TMEM47: variants seen among roughly 807,000 people sequenced by gnomAD.
The protein encoded by TMEM47 is transmembrane protein 47, also known as brain cell membrane protein 1.
TMEM47 carries 3 observed loss-of-function variants against 12.4 expected under a neutral mutation model. The observed-to-expected ratio is 0.24, with a 90% CI of 0.11 to 0.63. TMEM47 has a LOEUF of 0.63. Ranked by LOEUF, TMEM47 falls within the 20% of genes least tolerant of loss-of-function variation. The pLI is 0.86. For synonymous variants in TMEM47, 62 were observed against 63.3 expected, an observed-to-expected ratio of 0.98 and a Z score of 0.10; for missense variants, 89 against 143.8, an observed-to-expected ratio of 0.62 and a Z score of 1.95.
intron 1 of TMEM47, among the ~76,000 whole-genome samples, chrX:34,655,463 C>G (rs1165888385): frequency 8.9e-6 from 1 of 111,748 alleles, no homozygotes; most frequent in Non-Finnish European, 1.9e-5. Flanking sequence ...GTTCCCTCCA[C>G]AGTGAATTAA....
Position 34,646,340 on chromosome X carries a change from A to T in TMEM47, c.227-6953T>A, listed in dbSNP as rs191543862. 1.3e-4 allele frequency among the ~76,000 whole-genome samples: 14 copies of T among 111,941 alleles called. 1 individual carries two copies. The highest frequency in any genetic ancestry group is 9.5e-4 in the Admixed American group (10 of 10,533). On this transcript the variant is annotated intron_variant, in intron 1 of 2. Transcript: ENST00000275954. Reference sequence around the variant, plus strand: ...CATATGGTGTTTTTTCCTCAAATAAAACCACTTGAATACAGTATTTAGCAA... The same window carrying T: ...CATATGGTGTTTTTTCCTCAAATAATACCACTTGAATACAGTATTTAGCAA...
intron 1 of TMEM47, among the ~76,000 whole-genome samples, chrX:34,649,819 G>A (rs1037688176): frequency 3.6e-5 from 4 of 111,543 alleles, no homozygotes; most frequent in Admixed American, 9.5e-5. Context: ...TCTGCCTCCC[G>A]GGTTCAAGCG....
intron 1 of TMEM47, among the ~76,000 whole-genome samples, chrX:34,644,656 A>G (rs1921878521): frequency 8.9e-6 from 1 of 111,970 alleles, no homozygotes; most frequent in South Asian, 3.7e-4. Flanking sequence ...ATCCCTGAGC[A>G]CATAATGCCT....
At chrX:34,644,823 A>G (rs1477766302) in intron 1 of TMEM47, among the ~76,000 whole-genome samples, 1 of 111,664 alleles carries the variant, frequency 9.0e-6, no homozygotes, top group Non-Finnish European at 1.9e-5. Flanking sequence ...TCTCATCACA[A>G]ATTAAAACAC....
At chrX:34,639,049 T>C (rs902493980) in intron 2 of TMEM47, among the ~76,000 whole-genome samples, 198 bp downstream of exon 2, 8 of 111,952 alleles carry the variant, frequency 7.1e-5, no homozygotes, top group Non-Finnish European at 1.5e-4. Flanking sequence ...GAAGCTGCCA[T>C]TGTGCTCTGT....
intron 2 of TMEM47, among the ~76,000 whole-genome samples, chrX:34,630,762 T>C (rs1423499415): frequency 9.0e-6 from 1 of 110,796 alleles, no homozygotes; most frequent in Non-Finnish European, 1.9e-5. Context: ...ATAATTTATA[T>C]GAGCATACAA....
intron 1 of TMEM47, among the ~76,000 whole-genome samples, chrX:34,656,522 C>T (rs1175967645): frequency 9.1e-6 from 1 of 110,317 alleles, no homozygotes; most frequent in Admixed American, 9.6e-5. Context: ...ATAACAAATA[C>T]CCAAAATAGC....
At chrX:34,644,025 A>C (rs1420182808) in intron 1 of TMEM47, among the ~76,000 whole-genome samples, 1 of 111,048 alleles carries the variant, frequency 9.0e-6, no homozygotes. Flanking sequence ...ACTGCACCGA[A>C]AGAAGTGGAG....
chrX:34,636,513 G>T (rs185381682), intron 2 of TMEM47, among the ~76,000 whole-genome samples: 1 of 111,722 alleles, frequency 9.0e-6, no homozygotes, highest in Non-Finnish European at 1.9e-5. Context: ...AATGACCTGC[G>T]GATAGTTCAA....
At chrX:34,632,762 T>C (rs918518153) in intron 2 of TMEM47, among the ~76,000 whole-genome samples, 4 of 111,813 alleles carry the variant, frequency 3.6e-5, no homozygotes, top group African/African-American at 1.3e-4. Flanking sequence ...GCATATTGTA[T>C]GACCCACACT....
intron 1 of TMEM47, among the ~76,000 whole-genome samples, chrX:34,646,866 C>T (rs1291821273): frequency 9.0e-6 from 1 of 111,442 alleles, no homozygotes; most frequent in Admixed American, 9.5e-5. Flanking sequence ...CTTCTTAATG[C>T]CCCGCTGCAG....
chrX:34,648,844 T>C (rs1334864367), intron 1 of TMEM47, among the ~76,000 whole-genome samples: 1 of 111,918 alleles, frequency 8.9e-6, no homozygotes, highest in Non-Finnish European at 1.9e-5. Flanking sequence ...TAAATGAATT[T>C]ACAAGAGAAA....
chrX:34,628,394 T>G lies in TMEM47; in HGVS notation c.*1919A>C, dbSNP rs1921547437. ...TTCCACTCATAATTTCTAATGATTC[T>G]TTATAGAATCATATATTTTTATAAA... On this transcript the variant is annotated 3_prime_UTR_variant, in exon 3 of 3. Transcript: ENST00000275954. 1 of 112,256 alleles carries G rather than the reference T, an allele frequency of 8.9e-6. No individual in the cohort carries two copies. The highest frequency in any genetic ancestry group is 1.9e-5 in the Non-Finnish European group (1 of 53,152). The allele number at this position is 112,256 out of a possible 1,213,427, so 9.3% of individuals were successfully genotyped here.
intron 1 of TMEM47, 139 bp from the exon 2 acceptor site, chrX:34,639,526 T>C: frequency 3.2e-6 from 2 of 633,844 alleles, no homozygotes; most frequent in South Asian, 6.3e-5. Context: ...GTTTGAAATG[T>C]TTTGCAACAA....
chrX:34,641,233 T>C (rs1483226151), intron 1 of TMEM47, among the ~76,000 whole-genome samples: 3 of 111,430 alleles, frequency 2.7e-5, no homozygotes, highest in Non-Finnish European at 5.7e-5. Context: ...AATTTCTGAA[T>C]TAAAAAAATC....
chrX:34,656,951 T>C lies in TMEM47; in HGVS notation c.79A>G (p.Ile27Val). The change falls in exon 1 of 3, where the codon ATC becomes GTC. Residue 27 changes from isoleucine to valine, a missense_variant. By Grantham distance (29) the Ile-to-Val change is conservative. Transcript: ENST00000275954. ...AGGTCCAGACACAGCGCCAGGAAGA[T>C]GCACACCAGCCCGACCAGCTTCAAG... ...TPLKLVGLVC[I>V]FLALCLDLGA... 3.4e-6 allele frequency: 4 copies of C among 1,188,034 alleles called. No homozygotes were observed. Among genetic ancestry groups the C allele is most frequent in the Non-Finnish European group, 4.5e-6 (4 of 883,827 alleles).
chrX:34,641,173 T>C (rs146847686), intron 1 of TMEM47, among the ~76,000 whole-genome samples: 131 of 111,152 alleles, frequency 1.2e-3, no homozygotes, highest in African/African-American at 4.1e-3. Flanking sequence ...CACAATTATA[T>C]TGCACTTTGG....
chrX:34,640,262 G>A (rs1265362524), intron 1 of TMEM47, among the ~76,000 whole-genome samples: 2 of 111,834 alleles, frequency 1.8e-5, no homozygotes, highest in Admixed American at 9.5e-5. Flanking sequence ...ATTCATACAC[G>A]GAAACAGTAA....
intron 2 of TMEM47, among the ~76,000 whole-genome samples, chrX:34,631,446 T>C (rs1408768304): frequency 9.0e-6 from 1 of 111,484 alleles, no homozygotes; most frequent in African/African-American, 3.3e-5. Context: ...ATCCACTCTA[T>C]GCCTCTTGTC....
Sources: allele counts gnomAD v4.1 joint callset (sites outside exome capture counted in the v4.1 genomes callset), GRCh38; gene constraint gnomAD v4.1.1; transcripts MANE v1.5; gene names NCBI Gene and HGNC (gene_info 2026-07-23, HGNC 2026-07-21).